The following GNAT2 variants were observed in gnomAD, a reference collection of about 807,000 sequenced individuals.
The protein encoded by GNAT2 is G protein subunit alpha transducin 2.
In GNAT2, 32 loss-of-function variants were observed where a neutral mutation model predicts 40.9. That is an observed-to-expected ratio of 0.78 (90% CI 0.59 to 1.05). The LOEUF (loss-of-function observed/expected upper bound fraction) is 1.05, where lower values mean the gene tolerates loss of function less well. Ranked by LOEUF, GNAT2 falls within the 50% of genes least tolerant of loss-of-function variation. The probability of loss-of-function intolerance (pLI) is 0.00; values close to 1 mark genes in which losing one functional copy is unlikely to be tolerated. For missense variants in GNAT2, 355 were observed against 431.5 expected (o/e 0.82, Z 1.57); for synonymous variants, 141 against 157.2 (o/e 0.90, Z 0.77).
intron 4 of GNAT2, 82 bp from the exon 5 acceptor site, chr1:109,608,870 TC>T (rs747718675): frequency 9.7e-7 from 1 of 1,027,952 alleles, no homozygotes; most frequent in Non-Finnish European, 1.5e-6. Context: ...TGAATGGAAA[TC>T]ATTTTACATT....
intron 1 of GNAT2, among the ~76,000 whole-genome samples, chr1:109,618,653 C>T (rs1048497962): frequency 4.6e-5 from 7 of 152,226 alleles, no homozygotes; most frequent in African/African-American, 1.7e-4. Context: ...CCCTTGCCAA[C>T]CTGCATTAGC....
chr1:109,608,573 G>C (rs551310644), intron 5 of GNAT2, 58 bp downstream of exon 5: 5 of 1,548,128 alleles, frequency 3.2e-6, no homozygotes, highest in Non-Finnish European at 4.5e-6. Flanking sequence ...CAACCAGAGA[G>C]AAGACTGGCT....
intron 6 of GNAT2, 91 bp from the exon 7 acceptor site, chr1:109,606,190 G>T (rs909225562): frequency 6.4e-7 from 1 of 1,572,448 alleles, no homozygotes; most frequent in Non-Finnish European, 8.8e-7. Context: ...AGAGGAAAAG[G>T]GGGAGAAGCA....
At chr1:109,613,215 G>T (rs1649854751) in intron 1 of GNAT2, 1 of 350,842 alleles carries the variant, frequency 2.9e-6, no homozygotes, top group South Asian at 2.3e-5. Flanking sequence ...GCTGGGTTCT[G>T]ACGGAAGGAT....
At chr1:109,613,925 G>C (rs1298120649) in intron 1 of GNAT2, 1 of 152,190 alleles carries the variant, frequency 6.6e-6, no homozygotes, top group East Asian at 1.9e-4. Context: ...TCTCCTTCTG[G>C]CTCTCATCCC....
At chr1:109,604,718 G>C (rs1368540513) in intron 7 of GNAT2, 1 of 158,506 alleles carries the variant, frequency 6.3e-6, no homozygotes, top group Non-Finnish European at 1.4e-5. Context: ...TATCTGCAGA[G>C]GCTGCCCATT....
chr1:109,608,454 A>G, intron 5 of GNAT2, 177 bp downstream of exon 5: 1 of 684,278 alleles, frequency 1.5e-6, no homozygotes, highest in Non-Finnish European at 2.7e-6. Flanking sequence ...TCCCCATAGC[A>G]TTAAATTCAA....
chr1:109,612,973 A>G (rs547633476), intron 1 of GNAT2, 50 bp from the exon 2 acceptor site: 11 of 816,170 alleles, frequency 1.3e-5, no homozygotes, highest in East Asian at 7.4e-5. Flanking sequence ...GAGTATCCCA[A>G]CTTGGCTCCC....
intron 7 of GNAT2, chr1:109,605,205 G>A (rs1649555848): frequency 6.6e-6 from 1 of 152,192 alleles, no homozygotes; most frequent in Admixed American, 6.5e-5. Flanking sequence ...AAATTCAGAG[G>A]TCATCAGCAA....
At chr1:109,609,302 G>C (rs1649717785) in intron 4 of GNAT2, 1 of 190,882 alleles carries the variant, frequency 5.2e-6, no homozygotes, top group African/African-American at 2.4e-5. Flanking sequence ...AGCAGAGGAA[G>C]CTGTGAGCAG....
intron 4 of GNAT2, 74 bp from the exon 5 acceptor site, chr1:109,608,862 A>G (rs1157872845): frequency 8.9e-7 from 1 of 1,126,510 alleles, no homozygotes; most frequent in Non-Finnish European, 1.3e-6. Context: ...AATACTGCTG[A>G]ATGGAAATCA....
intron 2 of GNAT2, chr1:109,612,466 G>T: frequency 2.4e-6 from 1 of 418,232 alleles, no homozygotes; most frequent in Non-Finnish European, 4.5e-6. Context: ...TGTTAGGTTT[G>T]GTTAGATTTG....
At position 109,608,620 on chromosome 1, in the gene GNAT2, G is replaced by T. The variant is rs1649693389; in HGVS notation, c.461+11C>A. On this transcript the variant is annotated intron_variant, in intron 5 of 8. Coordinates refer to ENST00000679935, the MANE Select transcript of GNAT2 (RefSeq NM_001377295.2). ...TAAGCATCAACCCACCCTCTCACCAGTCAGTCTTACTAAGATGCGGAGTCA... is the reference window on the plus strand; with the variant it reads ...TAAGCATCAACCCACCCTCTCACCATTCAGTCTTACTAAGATGCGGAGTCA... 1 of 1,612,200 alleles carries T rather than the reference G, an allele frequency of 6.2e-7. No homozygotes were observed. Among genetic ancestry groups the T allele is most frequent in the Admixed American group, 1.7e-5 (1 of 60,000 alleles).
At position 109,604,217 on chromosome 1, in the gene GNAT2, C is replaced by G. The variant is rs1025572382; in HGVS notation, c.721-113G>C. The G allele has an allele frequency of 1.1e-5, 9 of 805,816 alleles. No individual in the cohort carries two copies. The African/African-American group carries it at 1.5e-4, about 14-fold the overall frequency. The allele number at this position is 805,816 out of a possible 1,614,324, so 49.9% of individuals were successfully genotyped here. ...AGTGCTCCAAATGTAAAAAGCAAGA[C>G]AGAGAACAGCTTATCTCAATGTACC... On this transcript the variant is annotated intron_variant, in intron 7 of 8. Coordinates refer to ENST00000679935, the MANE Select transcript of GNAT2 (RefSeq NM_001377295.2).
intron 5 of GNAT2, 74 bp from the exon 6 acceptor site, chr1:109,606,510 C>A: frequency 8.5e-7 from 1 of 1,180,212 alleles, no homozygotes; most frequent in South Asian, 1.2e-5. Context: ...GTATCTTACC[C>A]AAAGTCACAC....
chr1:109,606,507 A>G, intron 5 of GNAT2, 71 bp from the exon 6 acceptor site: 1 of 1,255,386 alleles, frequency 8.0e-7, no homozygotes, highest in Non-Finnish European at 1.2e-6. Flanking sequence ...AAGGTATCTT[A>G]CCCAAAGTCA....
In GNAT2 at chr1:109,604,048, A is replaced by G. The variant is rs2101121964; in HGVS notation, c.777T>C (p.Phe259=). 2 of 1,611,238 alleles carry G rather than the reference A, an allele frequency of 1.2e-6. No individual in the cohort carries two copies. The highest frequency in any genetic ancestry group is 8.5e-7 in the Non-Finnish European group (1 of 1,177,366). Residue 259 remains phenylalanine, a synonymous_variant, in exon 8 of 9, where the codon TTT becomes TTC. Coordinates refer to ENST00000679935, the MANE Select transcript of GNAT2 (RefSeq NM_001377295.2). ...GAAAGAGGACAATGGAAGTAGCCGC[A>G]AAGAATTTGTGGTTACATATGCTGT... is the stretch of plus-strand genomic sequence containing the variant. ...LFNSICNHKF[F]AATSIVLFLN... is the part of the protein sequence containing the mutation.
At chr1:109,604,183 G>A in intron 7 of GNAT2, 79 bp from the exon 8 acceptor site, 2 of 1,092,062 alleles carry the variant, frequency 1.8e-6, no homozygotes, top group African/African-American at 1.5e-5. Context: ...TGTTCCCCTT[G>A]GAGAGACCAG....
intron 4 of GNAT2, chr1:109,609,744 T>C: frequency 2.4e-6 from 1 of 418,282 alleles, no homozygotes; most frequent in Non-Finnish European, 4.5e-6. Context: ...CAGTCTCTGC[T>C]ATTTATCTAC....
Sources: allele counts gnomAD v4.1 joint callset (sites outside exome capture counted in the v4.1 genomes callset), GRCh38; gene constraint gnomAD v4.1.1; transcripts MANE v1.5; gene names NCBI Gene and HGNC (gene_info 2026-07-23, HGNC 2026-07-21).